CASQ1: variants seen among roughly 807,000 people sequenced by gnomAD.
The protein encoded by CASQ1 is calsequestrin 1.
A neutral mutation model predicts 49.5 loss-of-function variants in CASQ1; 40 were observed. The ratio of observed to expected loss-of-function variants is 0.81; its 90% CI spans 0.63 to 1.05. The LOEUF (loss-of-function observed/expected upper bound fraction) is 1.05, where lower values mean the gene tolerates loss of function less well. Among genes scored for constraint, CASQ1 ranks in the 50% least tolerant of loss-of-function variants. The pLI is 0.00. For missense variants in CASQ1, 469 were observed against 486.9 expected (o/e 0.96, Z 0.35); for synonymous variants, 174 against 187.2 (o/e 0.93, Z 0.58).
At chr1:160,192,773 C>T in intron 1 of CASQ1, 29 bp from the exon 2 acceptor site, 2 of 1,598,858 alleles carry the variant, frequency 1.3e-6, no homozygotes, top group Non-Finnish European at 1.7e-6. Context: ...ATTCCAGGGG[C>T]TAATTTTAAT....
rs891660863 is a variant in CASQ1, at chr1:160,196,169, T to C, written c.782+142T>C. On this transcript the variant is annotated intron_variant, in intron 6 of 10. Coordinates refer to ENST00000368078, the MANE Select transcript of CASQ1 (RefSeq NM_001231.5). ...GAATACACTTTGGGCACCAGTGCTC[T>C]CTGATACACTGACAATTTTGCACAA... The C allele has an allele frequency of 1.7e-5, 12 of 699,278 alleles. No homozygotes were observed. The South Asian group carries it at 2.1e-4, about 13-fold the overall frequency. 43.3% of individuals were successfully genotyped at this position (699,278 alleles called of 1,614,324 possible).
At chr1:160,197,695 C>T (rs1654274365) in intron 7 of CASQ1, 81 bp downstream of exon 7, 1 of 966,568 alleles carries the variant, frequency 1.0e-6, no homozygotes, top group Non-Finnish European at 1.7e-6. Context: ...CCCCACCCTA[C>T]TGCTCCTCAG....
At position 160,198,972 on chromosome 1, in the gene CASQ1, G is replaced by C. The variant is rs754652714; in HGVS notation, c.903G>C (p.Glu301Asp). ...TCCAAGATGGTTTCGAGTTCTTAGAGACTCTCAAGGCTGTGGCCCAAGATA... is the reference window on the plus strand; with the variant it reads ...TCCAAGATGGTTTCGAGTTCTTAGACACTCTCAAGGCTGTGGCCCAAGATA... ...EADPDGFEFLETLKAVAQDNT... is the reference protein window; with the variant it reads ...EADPDGFEFLDTLKAVAQDNT... The change falls in exon 9 of 11, where the codon GAG becomes GAC. Residue 301 changes from glutamate to aspartate, a missense_variant. Physicochemically the swap from Glu to Asp is conservative, Grantham distance 45. Coordinates refer to ENST00000368078, the MANE Select transcript of CASQ1 (RefSeq NM_001231.5). 1 of 1,611,870 alleles carries C rather than the reference G, an allele frequency of 6.2e-7. No homozygotes were observed. Among genetic ancestry groups the C allele is most frequent in the South Asian group, 1.1e-5 (1 of 91,020 alleles).
At chr1:160,191,394 A>G (rs936936192) in intron 1 of CASQ1, among the ~76,000 whole-genome samples, 1 of 152,136 alleles carries the variant, frequency 6.6e-6, no homozygotes, top group South Asian at 2.1e-4. Flanking sequence ...GCACTCCCCT[A>G]CCCCACCCAT....
At chr1:160,199,701 G>T in intron 9 of CASQ1, 150 bp from the exon 10 acceptor site, 1 of 641,684 alleles carries the variant, frequency 1.6e-6, no homozygotes, top group East Asian at 2.8e-5. Context: ...TTCTACCCTT[G>T]CCTTGATGCC....
At chr1:160,199,176 T>G in intron 9 of CASQ1, 123 bp downstream of exon 9, 1 of 706,156 alleles carries the variant, frequency 1.4e-6, no homozygotes, top group Non-Finnish European at 2.6e-6. Context: ...CCTGGGAGGG[T>G]ATGCGTGTTG....
chr1:160,198,435 C>A (rs1000502907), intron 7 of CASQ1: 4 of 345,432 alleles, frequency 1.2e-5, no homozygotes, highest in Non-Finnish European at 2.1e-5. Context: ...ACCCGGGAGG[C>A]GGAGGTTGCA....
chr1:160,197,657 G>C, intron 7 of CASQ1, 43 bp downstream of exon 7: 1 of 1,396,458 alleles, frequency 7.2e-7, no homozygotes. Context: ...GGAAGCATGG[G>C]TGCCAGAAGA....
intron 2 of CASQ1, among the ~76,000 whole-genome samples, chr1:160,193,348 T>C (rs1416252572): frequency 6.6e-6 from 1 of 152,114 alleles, no homozygotes; most frequent in Non-Finnish European, 1.5e-5. Context: ...ATCTGGTCAG[T>C]AATAGCAATT....
Position 160,199,019 on chromosome 1 carries a change from G to A in CASQ1, c.950G>A (p.Ser317Asn), listed in dbSNP as rs966556907. 1 of 1,612,494 alleles carries A rather than the reference G, an allele frequency of 6.2e-7. No individual in the cohort carries two copies. Residue 317 changes from serine to asparagine, a missense_variant, in exon 9 of 11, where the codon AGC (serine) becomes AAC (asparagine). By Grantham distance (46) the Ser-to-Asn change is conservative. Coordinates refer to ENST00000368078, the MANE Select transcript of CASQ1 (RefSeq NM_001231.5). ...AQDNTENPDLSIIWIDPDDFP... is the reference protein window; with the variant it reads ...AQDNTENPDLNIIWIDPDDFP... The stretch of plus-strand genomic sequence containing the variant: ...GATAACACTGAAAACCCAGATCTTA[G>A]CATCATCTGGATTGACCCTGATGAC...
intron 3 of CASQ1, among the ~76,000 whole-genome samples, 200 bp from the exon 4 acceptor site, chr1:160,194,812 C>T (rs1489662769): frequency 6.6e-6 from 1 of 150,732 alleles, no homozygotes; most frequent in Non-Finnish European, 1.5e-5. Context: ...CACATGCACA[C>T]ACACACCACA....
chr1:160,197,744 T>C (rs548761183), intron 7 of CASQ1, 130 bp downstream of exon 7: 66 of 694,456 alleles, frequency 9.5e-5, no homozygotes, highest in Middle Eastern at 7.5e-4. Flanking sequence ...ACCAGCTGGG[T>C]GTGGTGGCTC....
chr1:160,195,133 C>G lies in CASQ1; in HGVS notation c.577+10C>G. 6.5e-7 allele frequency: 1 copy of G among 1,529,026 alleles called. No homozygotes were observed. Among genetic ancestry groups the G allele is most frequent in the Non-Finnish European group, 9.0e-7 (1 of 1,109,702 alleles). 94.7% of individuals were successfully genotyped at this position (1,529,026 alleles called of 1,614,324 possible). Reference sequence around the variant, plus strand: ...AGCAAAGACTCAGAGCGTGGGTAACCCTCAGACTCCACTGTGCCCCTCTCT... The same window carrying G: ...AGCAAAGACTCAGAGCGTGGGTAACGCTCAGACTCCACTGTGCCCCTCTCT... On this transcript the variant is annotated intron_variant, in intron 4 of 10. Transcript: ENST00000368078.
chr1:160,192,249 G>A (rs180949501), intron 1 of CASQ1, among the ~76,000 whole-genome samples: 26 of 152,210 alleles, frequency 1.7e-4, no homozygotes, highest in African/African-American at 5.8e-4. Flanking sequence ...TCCCTCTGGG[G>A]GGTAACAAAT....
Position 160,190,954 on chromosome 1 carries a change from C to T in CASQ1, c.203C>T (p.Ala68Val), listed in dbSNP as rs1413526795. 6.2e-7 allele frequency: 1 copy of T among 1,614,130 alleles called. No homozygotes were observed. The highest frequency in any genetic ancestry group is 2.2e-5 in the East Asian group (1 of 44,890). The stretch of plus-strand genomic sequence containing the variant: ...GTGTTCAAGAAGTATGAGGTGCTGG[C>T]ACTCCTCTACCATGAACCCCCCGAG... The part of the protein sequence containing the change: ...KNVFKKYEVL[A>V]LLYHEPPEDD... The change falls in exon 1 of 11, where the codon GCA becomes GTA. Residue 68 changes from alanine (A) to valine (V), a missense_variant. Transcript: ENST00000368078.
chr1:160,194,546 ACAC>A (rs1231609139), intron 3 of CASQ1, among the ~76,000 whole-genome samples: 2 of 144,992 alleles, frequency 1.4e-5, no homozygotes, highest in African/African-American at 2.6e-5. Context: ...GCGCACACAC[ACAC>A]CACATGCACA....
chr1:160,191,247 C>T (rs1654069142), intron 1 of CASQ1, among the ~76,000 whole-genome samples: 1 of 152,118 alleles, frequency 6.6e-6, no homozygotes, highest in Non-Finnish European at 1.5e-5. Flanking sequence ...GTCAGGAAAC[C>T]TTTAGCAGGG....
rs933981910 is a variant in CASQ1 at position 160,198,749 on chromosome 1, G to A, written c.883+18G>A. 9.9e-6 allele frequency: 16 copies of A among 1,610,348 alleles called. No individual in the cohort carries two copies. Among genetic ancestry groups the A allele is most frequent in the Non-Finnish European group, 1.1e-5 (13 of 1,176,564 alleles). ...TGATCCTGGTGAGGGAGGAATACCG[G>A]GTTGGACTGGAGGGAAGGCAGGGGG... On this transcript the variant is annotated intron_variant, in intron 8 of 10. Coordinates refer to ENST00000368078, the MANE Select transcript of CASQ1 (RefSeq NM_001231.5).
rs1447674464 is a variant in CASQ1, at chr1:160,195,633, G to A, written c.651+99G>A. 3.9e-5 allele frequency: 43 copies of A among 1,090,140 alleles called. 1 individual carries two copies. In the South Asian group the frequency reaches 4.3e-4, roughly 11 times the overall value. The allele number at this position is 1,090,140 out of a possible 1,614,324, so 67.5% of individuals were successfully genotyped here. A position where few individuals can be genotyped will look rare whatever the true frequency, so the allele number is the denominator to read the frequency against. ...GATGGCTGACCTGGTCCCTTCCTAC[G>A]TGCTGGCACTCCCTACCTGCCCCCC... On this transcript the variant is annotated intron_variant, in intron 5 of 10. Coordinates refer to ENST00000368078, the MANE Select transcript of CASQ1 (RefSeq NM_001231.5).
Sources: gnomAD v4.1 joint callset for allele counts (sites outside exome capture counted in the v4.1 genomes callset) on GRCh38, gnomAD v4.1.1 for gene constraint, MANE v1.5 for transcripts, NCBI Gene and HGNC (gene_info 2026-07-23, HGNC 2026-07-21) for gene names.